The following EFCAB5 variants were observed in gnomAD, a reference collection of about 807,000 sequenced individuals.
The protein encoded by EFCAB5 is EF-hand calcium binding domain 5.
A neutral mutation model predicts 167.9 loss-of-function variants in EFCAB5; 131 were observed. That is an observed-to-expected ratio of 0.78 (90% CI 0.68 to 0.90). EFCAB5 has a LOEUF of 0.90. EFCAB5 is among the 40% of genes least tolerant of loss of function. The probability of loss-of-function intolerance (pLI) is 0.00; values close to 1 mark genes in which losing one functional copy is unlikely to be tolerated. For missense variants in EFCAB5, 1,663 were observed against 1,745.2 expected (o/e 0.95, Z 0.84); for synonymous variants, 574 against 602.8 (o/e 0.95, Z 0.70).
Position 30,078,256 on chromosome 17 carries a change from GA to G in EFCAB5, c.2781del (p.Val928Ter). 6.2e-7 allele frequency: 1 copy of G among 1,613,810 alleles called. No homozygotes were observed. The highest frequency in any genetic ancestry group is 8.5e-7 in the Non-Finnish European group (1 of 1,179,798). On this transcript the variant is annotated frameshift_variant, in exon 15 of 23. Transcript: ENST00000394835. LOFTEE classifies it high-confidence loss of function. ...IQFPKPHPGH[E>X]VRLSSKQFQN... ...ATTTCCAAAGCCACACCCTGGTCAC[GA>G]AGTGAGATTGTCTTCAAAACAATTT...
At chr17:30,017,158 CAG>C (rs944030022) in intron 7 of EFCAB5, among the ~76,000 whole-genome samples, 28 of 151,770 alleles carry the variant, frequency 1.8e-4, no homozygotes, top group Admixed American at 1.5e-3. Context: ...GCCTGGGTGA[CAG>C]AGCGAGAACG....
At chr17:29,972,756 AC>A in intron 4 of EFCAB5, 1 of 224,930 alleles carries the variant, frequency 4.4e-6, no homozygotes, top group Non-Finnish European at 9.4e-6. Flanking sequence ...GCTGAACACT[AC>A]CAGGACCTGC....
intron 1 of EFCAB5, among the ~76,000 whole-genome samples, chr17:29,935,109 A>G (rs2067234365): frequency 6.6e-6 from 1 of 152,240 alleles, no homozygotes; most frequent in Non-Finnish European, 1.5e-5. Flanking sequence ...AATTATAAGT[A>G]TAAATTAATA....
chr17:29,984,784 C>T (rs1293730906), intron 4 of EFCAB5, among the ~76,000 whole-genome samples: 1 of 152,096 alleles, frequency 6.6e-6, no homozygotes, highest in Non-Finnish European at 1.5e-5. Flanking sequence ...GACCCAGCCC[C>T]TTCTGTACTA....
At chr17:29,934,446 G>T (rs1314217876) in intron 1 of EFCAB5, among the ~76,000 whole-genome samples, 3 of 152,156 alleles carry the variant, frequency 2.0e-5, no homozygotes, top group Non-Finnish European at 2.9e-5. Context: ...TGTGTTATTA[G>T]ATCAATAATT....
chr17:29,985,634 G>A lies in EFCAB5; in HGVS notation c.768-7531G>A, dbSNP rs965066626. ...AAGGGATGGGCTGAAACAAAGGGAT[G>A]GACTCTGGCTAGTTATCTGCAGCAG... On this transcript the variant is annotated intron_variant, in intron 4 of 22. Transcript: ENST00000394835. 5.9e-5 allele frequency among the ~76,000 whole-genome samples: 9 copies of A among 152,302 alleles called. No individual in the cohort carries two copies. The East Asian group carries it at 1.7e-3, about 29-fold the overall frequency.
At chr17:29,988,181 T>G (rs964354450) in intron 4 of EFCAB5, among the ~76,000 whole-genome samples, 5 of 152,206 alleles carry the variant, frequency 3.3e-5, no homozygotes, top group Non-Finnish European at 7.3e-5. Flanking sequence ...AGCCATTTGA[T>G]TCCCTTCAGT....
intron 8 of EFCAB5, among the ~76,000 whole-genome samples, chr17:30,039,262 C>A (rs1032620224): frequency 6.6e-6 from 1 of 152,156 alleles, no homozygotes; most frequent in African/African-American, 2.4e-5. Flanking sequence ...ACACATCACA[C>A]CCGAGTCAAG....
chr17:29,956,236 T>C (rs2067612545), intron 3 of EFCAB5, among the ~76,000 whole-genome samples: 1 of 152,198 alleles, frequency 6.6e-6, no homozygotes, highest in African/African-American at 2.4e-5. Flanking sequence ...TAGCAATGAA[T>C]AACAACTGTT....
chr17:30,010,319 C>T (rs146456129), intron 7 of EFCAB5, among the ~76,000 whole-genome samples: 79 of 152,276 alleles, frequency 5.2e-4, no homozygotes, highest in African/African-American at 1.8e-3. Context: ...TGGGTATATA[C>T]CCAGTAATGG....
chr17:30,023,319 A>G (rs935324560), intron 7 of EFCAB5, among the ~76,000 whole-genome samples: 9 of 152,178 alleles, frequency 5.9e-5, no homozygotes, highest in Non-Finnish European at 1.3e-4. Context: ...GAAGAATCAA[A>G]TAGACGCAAT....
At chr17:29,932,478 G>A (rs1294464150) in intron 1 of EFCAB5, among the ~76,000 whole-genome samples, 53 of 69,278 alleles carry the variant, frequency 7.7e-4, no homozygotes, top group African/African-American at 2.1e-3. Flanking sequence ...TTTTTGACAC[G>A]GATTTTTGCT....
intron 8 of EFCAB5, among the ~76,000 whole-genome samples, chr17:30,043,981 T>TA (rs2069847190): frequency 6.6e-6 from 1 of 152,000 alleles, no homozygotes; most frequent in Non-Finnish European, 1.5e-5. Context: ...AAGATACTAG[T>TA]AAAAGAAATG....
At chr17:29,994,034 G>T (rs1180368549) in intron 5 of EFCAB5, among the ~76,000 whole-genome samples, 1 of 149,916 alleles carries the variant, frequency 6.7e-6, no homozygotes, top group Non-Finnish European at 1.5e-5. Flanking sequence ...AGTCCAGGAG[G>T]TCGAAGCTGC....
chr17:30,022,534 G>C (rs1276647399), intron 7 of EFCAB5, among the ~76,000 whole-genome samples: 1 of 152,128 alleles, frequency 6.6e-6, no homozygotes, highest in African/African-American at 2.4e-5. Context: ...ATGCATAGCA[G>C]AAGAAAAGTG....
chr17:30,057,419 T>C (rs1046487737), intron 12 of EFCAB5, among the ~76,000 whole-genome samples: 1 of 152,180 alleles, frequency 6.6e-6, no homozygotes, highest in African/African-American at 2.4e-5. Flanking sequence ...TGCTATCATA[T>C]ATGAATTGTT....
intron 8 of EFCAB5, among the ~76,000 whole-genome samples, chr17:30,047,733 C>T (rs543763148): frequency 6.6e-6 from 1 of 152,208 alleles, no homozygotes; most frequent in South Asian, 2.1e-4. Context: ...GATATAATGC[C>T]TACTAAATTA....
At chr17:30,090,911 G>A (rs1200572390) in intron 20 of EFCAB5, among the ~76,000 whole-genome samples, 2 of 152,308 alleles carry the variant, frequency 1.3e-5, no homozygotes, top group South Asian at 4.1e-4. Flanking sequence ...AGCTGGAAGG[G>A]CTCATAAAGG....
At chr17:30,071,135 C>T (rs1490821856) in intron 14 of EFCAB5, among the ~76,000 whole-genome samples, 4 of 149,974 alleles carry the variant, frequency 2.7e-5, no homozygotes, top group African/African-American at 7.4e-5. Flanking sequence ...ATTAGACAAG[C>T]GGGATTCTAT....
Sources: allele counts gnomAD v4.1 joint callset (sites outside exome capture counted in the v4.1 genomes callset), GRCh38; gene constraint gnomAD v4.1.1; transcripts MANE v1.5; gene names NCBI Gene and HGNC (gene_info 2026-07-23, HGNC 2026-07-21).